RINT1: variants seen among roughly 807,000 people sequenced by gnomAD.
The protein encoded by RINT1 is RAD50-interacting protein 1.
In RINT1, 75 loss-of-function variants were observed where a neutral mutation model predicts 97.7. That is an observed-to-expected ratio of 0.77 (90% CI 0.64 to 0.93). RINT1 has a LOEUF of 0.93. RINT1 is among the 40% of genes least tolerant of loss of function. The pLI is 0.00. For missense variants in RINT1, 892 were observed against 925.2 expected (o/e 0.96, Z 0.47); for synonymous variants, 303 against 326.3 (o/e 0.93, Z 0.77).
At chr7:105,534,740 A>C (rs1334653421) in intron 2 of RINT1, among the ~76,000 whole-genome samples, 1 of 152,094 alleles carries the variant, frequency 6.6e-6, no homozygotes, top group Admixed American at 6.6e-5. Context: ...CTGGGAAGGC[A>C]CAATGTATAG....
chr7:105,559,253 A>G (rs1262908367), intron 11 of RINT1, among the ~76,000 whole-genome samples: 2 of 151,882 alleles, frequency 1.3e-5, no homozygotes, highest in African/African-American at 4.8e-5. Context: ...AAAATTAGCC[A>G]GGCGTGGCTG....
At chr7:105,532,425 G>A in intron 1 of RINT1, 68 bp downstream of exon 1, 6 of 1,517,424 alleles carry the variant, frequency 4.0e-6, no homozygotes, top group Non-Finnish European at 5.4e-6. Flanking sequence ...GACCTCCCGG[G>A]GGAGATAGTC....
intron 4 of RINT1, among the ~76,000 whole-genome samples, chr7:105,546,598 G>T (rs1038696145): frequency 6.6e-5 from 10 of 152,176 alleles, no homozygotes; most frequent in East Asian, 3.8e-4. Context: ...TTTCGGCTGG[G>T]CACGGTGACT....
At chr7:105,532,410 G>T in intron 1 of RINT1, 53 bp downstream of exon 1, 4 of 1,556,368 alleles carry the variant, frequency 2.6e-6, no homozygotes, top group East Asian at 4.7e-5. Flanking sequence ...CATTGAGGTG[G>T]CACAGACCTC....
chr7:105,542,724 A>G, intron 4 of RINT1, 75 bp downstream of exon 4: 1 of 1,420,976 alleles, frequency 7.0e-7, no homozygotes, highest in Non-Finnish European at 9.4e-7. Flanking sequence ...CATGTGTGCC[A>G]TTAAATAATT....
chr7:105,534,404 C>T (rs1225496675), intron 2 of RINT1, among the ~76,000 whole-genome samples: 1 of 151,988 alleles, frequency 6.6e-6, no homozygotes, highest in Admixed American at 6.6e-5. Flanking sequence ...GGTAGAATTT[C>T]CTCCCTAAGA....
At chr7:105,561,504 G>A (rs1394379422) in intron 11 of RINT1, among the ~76,000 whole-genome samples, 6 of 152,140 alleles carry the variant, frequency 3.9e-5, no homozygotes, top group Non-Finnish European at 2.9e-5. Context: ...TCCAGCCTGA[G>A]GGACAGAGTG....
rs745379149 is a variant in RINT1, at chr7:105,548,727, C to T, written c.996+17C>T. 1 of 1,585,200 alleles carries T rather than the reference C, an allele frequency of 6.3e-7. No individual in the cohort carries two copies. The highest frequency in any genetic ancestry group is 1.8e-5 in the Admixed American group (1 of 54,276). On this transcript the variant is annotated intron_variant, in intron 7 of 14. Transcript: ENST00000257700. ...TTAAGCAAGGTGTGTTTTGCCAGCT[C>T]TTGTCCTTGGTTTTTATTGGTAACA... is the stretch of plus-strand genomic sequence containing the variant.
At chr7:105,543,839 C>T (rs1212814220) in intron 4 of RINT1, among the ~76,000 whole-genome samples, 2 of 151,676 alleles carry the variant, frequency 1.3e-5, no homozygotes, top group South Asian at 2.1e-4. Context: ...ACCTGTAATC[C>T]CAGCACTTTG....
chr7:105,562,803 T>C (rs890827745), intron 11 of RINT1, among the ~76,000 whole-genome samples: 1 of 152,098 alleles, frequency 6.6e-6, no homozygotes, highest in African/African-American at 2.4e-5. Flanking sequence ...CTTAGGAGAC[T>C]GAGGCAGGAG....
intron 4 of RINT1, among the ~76,000 whole-genome samples, chr7:105,546,377 C>T (rs1790667105): frequency 6.6e-6 from 1 of 152,116 alleles, no homozygotes; most frequent in African/African-American, 2.4e-5. Flanking sequence ...AGGCTGCAGG[C>T]TGCTGCTCTT....
chr7:105,532,504 C>T (rs1041088897), intron 1 of RINT1, 147 bp downstream of exon 1: 1 of 908,844 alleles, frequency 1.1e-6, no homozygotes, highest in South Asian at 1.6e-5. Context: ...CTTGTAAGAC[C>T]TCCTAGAGGA....
chr7:105,547,091 A>G lies in RINT1; in HGVS notation c.689+8A>G. The G allele has an allele frequency of 6.2e-7, 1 of 1,613,422 alleles. No individual in the cohort carries two copies. The highest frequency in any genetic ancestry group is 8.5e-7 in the Non-Finnish European group (1 of 1,179,556). ...CAAGGACAAGCTTACAAGGTAGGGA[A>G]TTTACCCATATTTTGTGGTAATTGC... On this transcript the variant is annotated splice_region_variant and intron_variant, in intron 5 of 14. Transcript: ENST00000257700.
At chr7:105,543,344 A>G (rs1790537826) in intron 4 of RINT1, among the ~76,000 whole-genome samples, 1 of 152,126 alleles carries the variant, frequency 6.6e-6, no homozygotes, top group South Asian at 2.1e-4. Flanking sequence ...TATAATTTGA[A>G]TATTTTTCAG....
At chr7:105,559,589 C>T (rs59550841) in intron 11 of RINT1, among the ~76,000 whole-genome samples, 14,287 of 142,902 alleles carry the variant, frequency 0.1, 981 homozygotes, top group African/African-American at 0.2. Context: ...GGTGTGGTGG[C>T]GGACGCCTAT....
intron 9 of RINT1, 22 bp downstream of exon 9, chr7:105,550,508 T>C: frequency 6.5e-7 from 1 of 1,527,762 alleles, no homozygotes; most frequent in Non-Finnish European, 9.1e-7. Flanking sequence ...TGTGGCCAGA[T>C]GGTAGGGAGA....
intron 11 of RINT1, among the ~76,000 whole-genome samples, chr7:105,561,631 G>A (rs530294980): frequency 4.6e-5 from 7 of 152,212 alleles, no homozygotes; most frequent in Admixed American, 2.6e-4. Context: ...GCACGATCTC[G>A]GCTTACTGCA....
At chr7:105,565,176 A>G in intron 12 of RINT1, 101 bp from the exon 13 acceptor site, 2 of 975,736 alleles carry the variant, frequency 2.0e-6, no homozygotes, top group Non-Finnish European at 2.9e-6. Context: ...TTCTTATCCA[A>G]AATGCCCTAG....
intron 4 of RINT1, among the ~76,000 whole-genome samples, chr7:105,544,185 T>A (rs1240083213): frequency 6.6e-6 from 1 of 152,178 alleles, no homozygotes; most frequent in Non-Finnish European, 1.5e-5. Flanking sequence ...CATCTCATTC[T>A]TGTTTAGATA....
Sources: allele counts gnomAD v4.1 joint callset (sites outside exome capture counted in the v4.1 genomes callset), GRCh38; gene constraint gnomAD v4.1.1; transcripts MANE v1.5; gene names NCBI Gene and HGNC (gene_info 2026-07-23, HGNC 2026-07-21).